Variants in MAGI2 observed in about 807,000 individuals in gnomAD.
The protein encoded by MAGI2 is membrane-associated guanylate kinase, WW and PDZ domain-containing protein 2.
A neutral mutation model predicts 133.3 loss-of-function variants in MAGI2; 35 were observed. That is an observed-to-expected ratio of 0.26 (90% CI 0.20 to 0.35). The LOEUF (loss-of-function observed/expected upper bound fraction) is 0.35, where lower values mean the gene tolerates loss of function less well. Ranked by LOEUF, MAGI2 falls within the 10% of genes least tolerant of loss-of-function variation. The pLI is 1.00. For synonymous variants in MAGI2, 729 were observed against 710.6 expected, an observed-to-expected ratio of 1.03 and a Z score of -0.41; for missense variants, 1,636 against 1,863.4, an observed-to-expected ratio of 0.88 and a Z score of 2.25.
chr7:78,644,582 T>C (rs1158860742), intron 2 of MAGI2, among the ~76,000 whole-genome samples: 1 of 152,008 alleles, frequency 6.6e-6, no homozygotes, highest in East Asian at 1.9e-4. Flanking sequence ...AATAAAAAGG[T>C]AATTACAAAT....
chr7:78,614,263 C>T (rs924926855), intron 3 of MAGI2: 1 of 136,410 alleles, frequency 7.3e-6, no homozygotes, highest in Non-Finnish European at 1.5e-5. Context: ...CTCTGGGGGA[C>T]AGGTGAGTGT....
intron 1 of MAGI2, among the ~76,000 whole-genome samples, chr7:79,208,060 G>T (rs1273122872): frequency 1.3e-5 from 2 of 151,896 alleles, no homozygotes; most frequent in Non-Finnish European, 2.9e-5. Flanking sequence ...AGATTTACAT[G>T]TAAGACCCAA....
chr7:78,661,614 C>A (rs111562907), intron 2 of MAGI2, among the ~76,000 whole-genome samples: 2,292 of 152,306 alleles, frequency 0.015, 56 homozygotes, highest in African/African-American at 0.052. Context: ...CTCTAGGGCT[C>A]TGTCATCCCT....
intron 2 of MAGI2, among the ~76,000 whole-genome samples, chr7:78,769,488 C>T (rs1290519065): frequency 1.6e-5 from 2 of 126,174 alleles, no homozygotes; most frequent in South Asian, 5.8e-4. Flanking sequence ...GAAGTAAAAC[C>T]GTCACCACCC....
intron 1 of MAGI2, among the ~76,000 whole-genome samples, chr7:79,049,277 T>A (rs577427141): frequency 6.6e-6 from 1 of 151,694 alleles, no homozygotes; most frequent in African/African-American, 2.4e-5. Flanking sequence ...TTAATAAGAC[T>A]TTTTTTTCCC....
At chr7:79,220,347 A>G (rs1830354173) in intron 1 of MAGI2, among the ~76,000 whole-genome samples, 1 of 152,022 alleles carries the variant, frequency 6.6e-6, no homozygotes, top group South Asian at 2.1e-4. Flanking sequence ...AGACGACATT[A>G]TACATGAGGA....
chr7:79,028,289 ATATGTG>A (rs1440717631), intron 1 of MAGI2, among the ~76,000 whole-genome samples: 2 of 51,956 alleles, frequency 3.8e-5, no homozygotes, highest in African/African-American at 1.5e-4. Context: ...ATATATATAT[ATATGTG>A]TGTATATATA....
intron 21 of MAGI2, among the ~76,000 whole-genome samples, chr7:78,066,048 C>T (rs1480529919): frequency 6.6e-6 from 1 of 152,124 alleles, no homozygotes; most frequent in Non-Finnish European, 1.5e-5. Context: ...TCACAGTAAT[C>T]ATTTCTAAAT....
chr7:79,190,388 C>T (rs11772192), intron 1 of MAGI2, among the ~76,000 whole-genome samples: 90,676 of 151,646 alleles, frequency 0.6, 31,773 homozygotes, highest in Non-Finnish European at 0.79. Context: ...TGTTGAGCAT[C>T]GTTTCATATG....
chr7:78,719,687 A>G (rs1427178732), intron 2 of MAGI2, among the ~76,000 whole-genome samples: 5 of 152,232 alleles, frequency 3.3e-5, no homozygotes. Context: ...CTTTCTATGC[A>G]TTAAACTTGT....
intron 21 of MAGI2, among the ~76,000 whole-genome samples, chr7:78,075,925 AGTTT>A (rs1284121898): frequency 2.6e-5 from 4 of 152,190 alleles, no homozygotes; most frequent in Non-Finnish European, 4.4e-5. Flanking sequence ...ACATTTATTT[AGTTT>A]GACTATTGTT....
intron 2 of MAGI2, among the ~76,000 whole-genome samples, chr7:78,808,019 A>T (rs1310550755): frequency 6.6e-6 from 1 of 152,174 alleles, no homozygotes; most frequent in African/African-American, 2.4e-5. Context: ...TCTAAGGAAT[A>T]AAAAAAGAGG....
chr7:78,840,832 C>T (rs527326146), intron 2 of MAGI2, among the ~76,000 whole-genome samples: 1 of 83,338 alleles, frequency 1.2e-5, no homozygotes, highest in Non-Finnish European at 2.9e-5. Flanking sequence ...CTTTCTGAAT[C>T]TCCTTTGTTT....
At chr7:79,143,500 C>A (rs1822325594) in intron 1 of MAGI2, among the ~76,000 whole-genome samples, 1 of 152,138 alleles carries the variant, frequency 6.6e-6, no homozygotes, top group Admixed American at 6.5e-5. Context: ...TTTTAGATGA[C>A]CATGCTCCAT....
chr7:79,055,617 C>A (rs1813084311), intron 1 of MAGI2, among the ~76,000 whole-genome samples: 1 of 151,810 alleles, frequency 6.6e-6, no homozygotes, highest in South Asian at 2.1e-4. Context: ...ATATTCCAGT[C>A]AGATTAATTA....
At chr7:78,163,539 A>G (rs1283727718) in intron 15 of MAGI2, among the ~76,000 whole-genome samples, 1 of 152,220 alleles carries the variant, frequency 6.6e-6, no homozygotes, top group Admixed American at 6.5e-5. Context: ...TGTGGGAGTC[A>G]GTGACAATGC....
At chr7:78,266,871 C>CA (rs1016919961) in intron 9 of MAGI2, among the ~76,000 whole-genome samples, 29 of 152,092 alleles carry the variant, frequency 1.9e-4, no homozygotes, top group African/African-American at 7.0e-4. Context: ...CATGCCTGGC[C>CA]AAAAAACCCT....
At chr7:79,148,336 G>T (rs1257711919) in intron 1 of MAGI2, among the ~76,000 whole-genome samples, 1 of 152,138 alleles carries the variant, frequency 6.6e-6, no homozygotes, top group Non-Finnish European at 1.5e-5. Flanking sequence ...TGTGTCTTGA[G>T]TGATGTTGGG....
rs553790413 is a variant in MAGI2 at position 78,276,863 on chromosome 7, G to A, written c.1409-20282C>T. On this transcript the variant is annotated intron_variant, in intron 9 of 21. Transcript: ENST00000354212. ...TGTGCCTGGTAAATTCTAGTGGAAGGGGGAGGAGACTTGTAAACATTGAGG... is the reference window on the plus strand; with the variant it reads ...TGTGCCTGGTAAATTCTAGTGGAAGAGGGAGGAGACTTGTAAACATTGAGG... Among the ~76,000 whole-genome samples, 62 of 152,202 alleles carry A rather than the reference G, an allele frequency of 4.1e-4. 1 individual carries two copies. In the East Asian group the frequency reaches 0.011, roughly 26 times the overall value.
Sources: gnomAD v4.1 joint callset for allele counts (sites outside exome capture counted in the v4.1 genomes callset) on GRCh38, gnomAD v4.1.1 for gene constraint, MANE v1.5 for transcripts, NCBI Gene and HGNC (gene_info 2026-07-23, HGNC 2026-07-21) for gene names.